ACER2: variants seen among roughly 807,000 people sequenced by gnomAD.
ACER2 encodes alkaline ceramidase 2.
In ACER2, 26 loss-of-function variants were observed where a neutral mutation model predicts 34.7. That is an observed-to-expected ratio of 0.75 (90% CI 0.55 to 1.04). The LOEUF (loss-of-function observed/expected upper bound fraction) is 1.04. Among genes scored for constraint, ACER2 ranks in the 50% least tolerant of loss-of-function variants. The probability of loss-of-function intolerance (pLI) is 0.00; values close to 1 mark genes in which losing one functional copy is unlikely to be tolerated. For synonymous variants in ACER2, 138 were observed against 132.1 expected, an observed-to-expected ratio of 1.04 and a Z score of -0.31; for missense variants, 352 against 340.8, an observed-to-expected ratio of 1.03 and a Z score of -0.26.
intron 5 of ACER2, among the ~76,000 whole-genome samples, chr9:19,447,631 T>C (rs1247378821): frequency 6.6e-6 from 1 of 152,212 alleles, no homozygotes; most frequent in Non-Finnish European, 1.5e-5. Flanking sequence ...ATACACTAGG[T>C]AAATATGACC....
intron 3 of ACER2, among the ~76,000 whole-genome samples, chr9:19,426,619 A>G (rs1830580718): frequency 6.6e-6 from 1 of 152,184 alleles, no homozygotes; most frequent in Non-Finnish European, 1.5e-5. Context: ...CTGGGTTGAA[A>G]TTCCAAGGGA....
chr9:19,412,541 G>A (rs774782258), intron 1 of ACER2, among the ~76,000 whole-genome samples: 9 of 151,542 alleles, frequency 5.9e-5, no homozygotes, highest in Non-Finnish European at 8.8e-5. Flanking sequence ...GTAAGTCCCC[G>A]CTACTCAGGA....
rs369286466 is a variant in ACER2 at position 19,446,275 on chromosome 9, G to T, written c.504-6G>T. 3 of 1,614,022 alleles carry T rather than the reference G, an allele frequency of 1.9e-6. No individual in the cohort carries two copies. The highest frequency in any genetic ancestry group is 1.7e-5 in the Admixed American group (1 of 60,006). On this transcript the variant is annotated splice_region_variant and splice_polypyrimidine_tract_variant and intron_variant, in intron 4 of 5. Transcript: ENST00000340967. ...ACGATGAGTGACTCTCTGGACCCCC[G>T]TGCAGGTGTGACAACATGCGTGTGT...
chr9:19,409,810 C>T (rs944612960), intron 1 of ACER2: 2 of 985,240 alleles, frequency 2.0e-6, no homozygotes, highest in Admixed American at 1.2e-4. Context: ...TCAACTCCCC[C>T]AGGACTGTGC....
chr9:19,429,311 A>G (rs1403274433), intron 3 of ACER2, among the ~76,000 whole-genome samples: 1 of 152,146 alleles, frequency 6.6e-6, no homozygotes, highest in Non-Finnish European at 1.5e-5. Context: ...AGGAACTATT[A>G]TAGGCTAATT....
intron 4 of ACER2, among the ~76,000 whole-genome samples, chr9:19,444,746 C>A (rs747553110): frequency 6.6e-6 from 1 of 152,064 alleles, no homozygotes; most frequent in African/African-American, 2.4e-5. Context: ...AGCCCAAAGG[C>A]GAGGCATTCA....
chr9:19,415,648 C>A (rs908854580), intron 1 of ACER2, among the ~76,000 whole-genome samples: 2 of 152,084 alleles, frequency 1.3e-5, no homozygotes, highest in Non-Finnish European at 2.9e-5. Flanking sequence ...ATTAGTGTGT[C>A]CATTGCTGGT....
At chr9:19,429,879 C>T (rs1465757928) in intron 3 of ACER2, among the ~76,000 whole-genome samples, 1 of 152,088 alleles carries the variant, frequency 6.6e-6, no homozygotes, top group Non-Finnish European at 1.5e-5. Flanking sequence ...TGCTATATTG[C>T]TGTAACTATC....
At chr9:19,410,666 C>T (rs750864033) in intron 1 of ACER2, among the ~76,000 whole-genome samples, 3 of 152,144 alleles carry the variant, frequency 2.0e-5, no homozygotes, top group Admixed American at 6.5e-5. Context: ...ACTGAGATCG[C>T]GCCACTCCAC....
intron 1 of ACER2, among the ~76,000 whole-genome samples, chr9:19,412,790 C>A (rs192595111): frequency 1.3e-5 from 2 of 151,904 alleles, no homozygotes; most frequent in Non-Finnish European, 2.9e-5. Context: ...ATTTCCATAT[C>A]AGCTCATATA....
At position 19,452,113 on chromosome 9, in the gene ACER2, G is replaced by A. The variant is rs1831589068; in HGVS notation, c.*1477G>A. Reference sequence around the variant, plus strand: ...GAAAGATTCAAGAACCATCTTCAAGGTGCATGGTGGGAATTATCAACCTCA... The same window carrying A: ...GAAAGATTCAAGAACCATCTTCAAGATGCATGGTGGGAATTATCAACCTCA... On this transcript the variant is annotated 3_prime_UTR_variant, in exon 6 of 6. Transcript: ENST00000340967. 6.6e-6 allele frequency: 1 copy of A among 152,590 alleles called. No individual in the cohort carries two copies. The highest frequency in any genetic ancestry group is 2.4e-5 in the African/African-American group (1 of 41,438). 9.5% of individuals were successfully genotyped at this position (152,590 alleles called of 1,614,324 possible).
At chr9:19,436,475 A>T (rs934396481) in intron 4 of ACER2, among the ~76,000 whole-genome samples, 1 of 152,226 alleles carries the variant, frequency 6.6e-6, no homozygotes, top group Non-Finnish European at 1.5e-5. Flanking sequence ...CTGCCATTTG[A>T]TAATGACTGT....
chr9:19,419,229 A>T (rs2132467209), intron 1 of ACER2, among the ~76,000 whole-genome samples: 1 of 152,324 alleles, frequency 6.6e-6, no homozygotes, highest in Non-Finnish European at 1.5e-5. Flanking sequence ...CATATACAGT[A>T]TAGTACTTAG....
At chr9:19,425,747 C>T (rs1830539582) in intron 3 of ACER2, among the ~76,000 whole-genome samples, 1 of 151,978 alleles carries the variant, frequency 6.6e-6, no homozygotes. Flanking sequence ...AGATTCAGCC[C>T]AATGAAGATG....
Position 19,451,001 on chromosome 9 carries a change from C to G in ACER2, c.*365C>G. On this transcript the variant is annotated 3_prime_UTR_variant, in exon 6 of 6. Transcript: ENST00000340967. ...CCTCCCTAATGTGTCTGTGGACCAC[C>G]TGGATTCCACTGTACAAGGGGAAAA... 1 of 161,416 alleles carries G rather than the reference C, an allele frequency of 6.2e-6. No individual in the cohort carries two copies. The highest frequency in any genetic ancestry group is 1.9e-4 in the South Asian group (1 of 5,234). The allele number at this position is 161,416 out of a possible 1,614,324, so 10.0% of individuals were successfully genotyped here.
intron 3 of ACER2, among the ~76,000 whole-genome samples, chr9:19,430,939 C>T (rs1830735161): frequency 6.6e-6 from 1 of 151,940 alleles, no homozygotes; most frequent in Non-Finnish European, 1.5e-5. Context: ...GCCTGGGTGA[C>T]AGAGTGAGAC....
chr9:19,431,296 T>C lies in ACER2; in HGVS notation c.366-3651T>C, dbSNP rs571920718. ...TGTGGGAAAGGCTCAAAGAGTTGAG[T>C]TACTTGCCAAAGGTCTCACAGCTAC... On this transcript the variant is annotated intron_variant, in intron 3 of 5. Coordinates refer to ENST00000340967, the MANE Select transcript of ACER2 (RefSeq NM_001010887.3). Among the ~76,000 whole-genome samples the C allele has an allele frequency of 3.6e-3, 541 of 152,236 alleles. 3 individuals are homozygous for C. Among genetic ancestry groups the C allele is most frequent in the Non-Finnish European group, 5.2e-3 (355 of 68,014 alleles).
chr9:19,427,575 TACC>T (rs1482086188), intron 3 of ACER2, among the ~76,000 whole-genome samples: 2 of 152,128 alleles, frequency 1.3e-5, no homozygotes, highest in Non-Finnish European at 2.9e-5. Flanking sequence ...TGCCTGAACT[TACC>T]AAATAGTAAA....
At position 19,450,761 on chromosome 9, in the gene ACER2, T is replaced by C; in HGVS notation, c.*125T>C. ...GCTATCTTTTCAAAAATCTATTTGC[T>C]GGGGCTCTTAATTTCTTTAGTGTTC... is the stretch of plus-strand genomic sequence containing the variant. On this transcript the variant is annotated 3_prime_UTR_variant, in exon 6 of 6. Transcript: ENST00000340967. The C allele has an allele frequency of 1.1e-6, 1 of 936,210 alleles. No individual in the cohort carries two copies. The highest frequency in any genetic ancestry group is 1.5e-6 in the Non-Finnish European group (1 of 667,356). 58.0% of individuals were successfully genotyped at this position (936,210 alleles called of 1,614,324 possible).
Sources: allele counts gnomAD v4.1 joint callset (sites outside exome capture counted in the v4.1 genomes callset), GRCh38; gene constraint gnomAD v4.1.1; transcripts MANE v1.5; gene names NCBI Gene and HGNC (gene_info 2026-07-23, HGNC 2026-07-21).